Variants in CADM2 observed in about 807,000 individuals in gnomAD.
The protein encoded by CADM2 is cell adhesion molecule 2.
A neutral mutation model predicts 49.8 loss-of-function variants in CADM2; 12 were observed. That is an observed-to-expected ratio of 0.24 (90% CI 0.15 to 0.39). The LOEUF (loss-of-function observed/expected upper bound fraction) is 0.39. CADM2 is among the 10% of genes least tolerant of loss of function. CADM2 has a pLI of 1.00. For missense variants in CADM2, 378 were observed against 492.3 expected (o/e 0.77, Z 2.20); for synonymous variants, 214 against 175.4 (o/e 1.22, Z -1.74).
At chr3:86,024,336 T>G (rs1264026097) in intron 8 of CADM2, among the ~76,000 whole-genome samples, 1 of 152,226 alleles carries the variant, frequency 6.6e-6, no homozygotes, top group Non-Finnish European at 1.5e-5. Flanking sequence ...TTATAATTTT[T>G]TACTTGTTCT....
At chr3:85,449,390 A>C (rs533233266) in intron 1 of CADM2, among the ~76,000 whole-genome samples, 8 of 152,198 alleles carry the variant, frequency 5.3e-5, no homozygotes, top group Admixed American at 3.3e-4. Flanking sequence ...TGCATGAACT[A>C]TCAATGTATA....
intron 2 of CADM2, among the ~76,000 whole-genome samples, chr3:85,764,572 C>CAAAAATATATTTGTTGTTATA (rs2069559723): frequency 6.6e-6 from 1 of 151,938 alleles, no homozygotes; most frequent in African/African-American, 2.4e-5. Context: ...ATAACCAAAC[C>CAAAAATATATTTGTTGTTATA]TAAAATTAGC....
intron 1 of CADM2, among the ~76,000 whole-genome samples, chr3:85,037,534 T>C (rs2035269979): frequency 6.6e-6 from 1 of 152,194 alleles, no homozygotes; most frequent in Non-Finnish European, 1.5e-5. Context: ...TTTGTTACCA[T>C]TTTCAAATGA....
intron 1 of CADM2, among the ~76,000 whole-genome samples, chr3:85,281,462 A>AT (rs1251575471): frequency 2.0e-5 from 3 of 151,990 alleles, no homozygotes; most frequent in African/African-American, 7.2e-5. Context: ...TATTATTTCA[A>AT]TTTTTTTAAC....
At chr3:85,843,966 G>A (rs1577455675) in intron 3 of CADM2, among the ~76,000 whole-genome samples, 1 of 152,010 alleles carries the variant, frequency 6.6e-6, no homozygotes, top group Admixed American at 6.6e-5. Context: ...CACCCAGGGA[G>A]TGCAGACTGT....
At chr3:85,981,803 G>T (rs1203074117) in intron 8 of CADM2, among the ~76,000 whole-genome samples, 1 of 151,702 alleles carries the variant, frequency 6.6e-6, no homozygotes, top group Non-Finnish European at 1.5e-5. Flanking sequence ...TGTGAATAGT[G>T]CTGCAATGAA....
intron 8 of CADM2, among the ~76,000 whole-genome samples, chr3:86,062,538 G>GAGGCCT (rs1439130687): frequency 6.6e-6 from 1 of 152,056 alleles, no homozygotes; most frequent in African/African-American, 2.4e-5. Flanking sequence ...AGCACTTTGG[G>GAGGCCT]AGGCCTAGGT....
chr3:85,122,845 G>C (rs949405355), intron 1 of CADM2, among the ~76,000 whole-genome samples: 13 of 151,766 alleles, frequency 8.6e-5, no homozygotes, highest in African/African-American at 3.1e-4. Flanking sequence ...TTCTTCCATT[G>C]TATGGCTCTT....
At chr3:85,872,607 C>T (rs1220813170) in intron 3 of CADM2, among the ~76,000 whole-genome samples, 3 of 151,166 alleles carry the variant, frequency 2.0e-5, no homozygotes, top group Non-Finnish European at 4.4e-5. Flanking sequence ...GCTTTTTGTC[C>T]TATTCCATCT....
rs2034160907 is a variant in CADM2, at chr3:85,014,566, A to T, written c.61+54898A>T. ...ATATATCTTCCATGAATGAGAGGAG[A>T]CTAGTGTACCCCCAAACATAGCAAT... is the stretch of plus-strand genomic sequence containing the variant. On this transcript the variant is annotated intron_variant, in intron 1 of 9. Transcript: ENST00000383699. 3.3e-5 allele frequency among the ~76,000 whole-genome samples: 5 copies of T among 152,148 alleles called. No homozygotes were observed. The South Asian group carries it at 1.0e-3, about 32-fold the overall frequency.
intron 1 of CADM2, among the ~76,000 whole-genome samples, chr3:85,083,786 A>T (rs1426137023): frequency 2.6e-5 from 4 of 152,118 alleles, no homozygotes; most frequent in African/African-American, 9.7e-5. Flanking sequence ...ATTACCGAGC[A>T]AGCAAAATAG....
At chr3:85,053,678 A>G (rs1052174075) in intron 1 of CADM2, among the ~76,000 whole-genome samples, 4 of 151,988 alleles carry the variant, frequency 2.6e-5, no homozygotes, top group African/African-American at 9.7e-5. Flanking sequence ...CTTGGAGGGG[A>G]TTAAGTAGAG....
chr3:85,615,222 G>T (rs1293813182), intron 1 of CADM2, among the ~76,000 whole-genome samples: 1 of 151,708 alleles, frequency 6.6e-6, no homozygotes, highest in African/African-American at 2.4e-5. Flanking sequence ...GAGAGAGAGA[G>T]AGAAAGAGAG....
intron 1 of CADM2, among the ~76,000 whole-genome samples, chr3:85,074,183 A>G (rs2036858982): frequency 6.6e-6 from 1 of 151,896 alleles, no homozygotes; most frequent in African/African-American, 2.4e-5. Context: ...TAACTGTCTT[A>G]CTCTGCCTTA....
At chr3:85,381,305 G>A (rs781489238) in intron 1 of CADM2, among the ~76,000 whole-genome samples, 23 of 151,442 alleles carry the variant, frequency 1.5e-4, no homozygotes, top group Non-Finnish European at 3.1e-4. Flanking sequence ...ACATGTAATT[G>A]ATGAAAAACA....
At chr3:85,985,630 T>C (rs1317337510) in intron 8 of CADM2, among the ~76,000 whole-genome samples, 2 of 152,102 alleles carry the variant, frequency 1.3e-5, no homozygotes, top group Non-Finnish European at 2.9e-5. Context: ...TATTTTTAAA[T>C]CATGTGCATC....
chr3:85,020,765 T>G (rs988037137), intron 1 of CADM2, among the ~76,000 whole-genome samples: 1 of 147,808 alleles, frequency 6.8e-6, no homozygotes, highest in African/African-American at 2.5e-5. Context: ...TGTGTGTGTA[T>G]GGTGTGTGTG....
At chr3:85,852,557 T>G (rs2075149394) in intron 3 of CADM2, among the ~76,000 whole-genome samples, 1 of 151,888 alleles carries the variant, frequency 6.6e-6, no homozygotes, top group African/African-American at 2.4e-5. Flanking sequence ...TTTTAAACAT[T>G]TAACAGGAAA....
intron 1 of CADM2, among the ~76,000 whole-genome samples, chr3:85,510,647 A>G (rs771132547): frequency 1.1e-4 from 16 of 152,208 alleles, no homozygotes; most frequent in East Asian, 5.8e-4. Context: ...TATGTATTCA[A>G]TATTCAACTC....
Sources: allele counts gnomAD v4.1 joint callset (sites outside exome capture counted in the v4.1 genomes callset), GRCh38; gene constraint gnomAD v4.1.1; transcripts MANE v1.5; gene names NCBI Gene and HGNC (gene_info 2026-07-23, HGNC 2026-07-21).